UNC13C: variants seen among roughly 807,000 people sequenced by gnomAD.
UNC13C encodes the protein unc-13 homolog C, also known as protein unc-13 homolog C.
A neutral mutation model predicts 245.4 loss-of-function variants in UNC13C; 174 were observed. The ratio of observed to expected loss-of-function variants is 0.71; its 90% CI spans 0.63 to 0.80. The LOEUF (loss-of-function observed/expected upper bound fraction) is 0.80, where lower values mean the gene tolerates loss of function less well. Among genes scored for constraint, UNC13C ranks in the 30% least tolerant of loss-of-function variants. The probability of loss-of-function intolerance (pLI) is 0.00; values close to 1 mark genes in which losing one functional copy is unlikely to be tolerated. For synonymous variants in UNC13C, 992 were observed against 895.1 expected (o/e 1.11, Z -1.93); for missense variants, 2,829 against 2,602.9 (o/e 1.09, Z -1.89).
chr15:54,015,894 T>C lies in UNC13C; in HGVS notation c.2983+8T>C. Reference sequence around the variant, plus strand: ...AGAAGATCTTGGCTGGAGGTATTCATGTTTAAATGCTACATTGTGAGCTAA... The same window carrying C: ...AGAAGATCTTGGCTGGAGGTATTCACGTTTAAATGCTACATTGTGAGCTAA... On this transcript the variant is annotated splice_region_variant and intron_variant, in intron 2 of 32. Transcript: ENST00000260323. 1 of 1,555,608 alleles carries C rather than the reference T, an allele frequency of 6.4e-7. No homozygotes were observed. Among genetic ancestry groups the C allele is most frequent in the Non-Finnish European group, 8.7e-7 (1 of 1,153,586 alleles).
chr15:54,167,912 G>T lies in UNC13C; in HGVS notation c.3071+24228G>T, dbSNP rs548438645. On this transcript the variant is annotated intron_variant, in intron 4 of 32. Coordinates refer to ENST00000260323, the MANE Select transcript of UNC13C (RefSeq NM_001080534.3). ...GTTTTTAGAAATATGAAAATCAAAG[G>T]CACCAGGAGACACTACTATGCACCT... Among the ~76,000 whole-genome samples, 15 of 152,156 alleles carry T rather than the reference G, an allele frequency of 9.9e-5. No individual in the cohort carries two copies. In the South Asian group the frequency reaches 3.1e-3, roughly 32 times the overall value.
intron 17 of UNC13C, among the ~76,000 whole-genome samples, chr15:54,384,564 A>G (rs2039796380): frequency 6.6e-6 from 1 of 152,104 alleles, no homozygotes; most frequent in South Asian, 2.1e-4. Flanking sequence ...ACAGAGGGAA[A>G]ATTCTTCAGG....
intron 2 of UNC13C, among the ~76,000 whole-genome samples, chr15:54,100,396 T>C (rs532923365): frequency 6.6e-6 from 1 of 152,290 alleles, no homozygotes; most frequent in African/African-American, 2.4e-5. Context: ...TGACACCACA[T>C]TCATTTAGCT....
chr15:54,627,000 G>A lies in UNC13C; in HGVS notation c.6532G>A (p.Asp2178Asn). Reference sequence around the variant, plus strand: ...TCCTCTTCTGAAAAATATCTCTATGGATGAAACTGGTTTGACTATCCTTAG... The same window carrying A: ...TCCTCTTCTGAAAAATATCTCTATGAATGAAACTGGTTTGACTATCCTTAG... ...WYPLLKNISM[D>N]ETGLTILRIL... is the part of the protein sequence containing the mutation. The change falls in exon 33 of 33, where the codon GAT becomes AAT. Residue 2178 changes from aspartate to asparagine, a missense_variant. Physicochemically the swap from Asp to Asn is conservative, Grantham distance 23. Transcript: ENST00000260323. 6.2e-7 allele frequency: 1 copy of A among 1,613,432 alleles called. No individual in the cohort carries two copies. Among genetic ancestry groups the A allele is most frequent in the Non-Finnish European group, 8.5e-7 (1 of 1,179,588 alleles).
intron 10 of UNC13C, among the ~76,000 whole-genome samples, chr15:54,290,926 A>G (rs942732445): frequency 1.3e-5 from 2 of 152,090 alleles, no homozygotes; most frequent in African/African-American, 4.8e-5. Flanking sequence ...TTATCAAAAA[A>G]TGACAAAAAG....
chr15:54,535,817 C>T (rs1895959585), intron 26 of UNC13C, among the ~76,000 whole-genome samples: 1 of 152,030 alleles, frequency 6.6e-6, no homozygotes. Flanking sequence ...GTATAACATA[C>T]CAGAATCTCT....
At chr15:54,500,210 A>G in intron 21 of UNC13C, 35 bp downstream of exon 21, 2 of 1,476,424 alleles carry the variant, frequency 1.4e-6, no homozygotes, top group Non-Finnish European at 1.9e-6. Context: ...GTTCATTGCC[A>G]TGATTCAGTC....
intron 2 of UNC13C, among the ~76,000 whole-genome samples, chr15:54,040,000 A>G (rs987023772): frequency 4.0e-5 from 6 of 148,654 alleles, no homozygotes; most frequent in African/African-American, 1.5e-4. Flanking sequence ...CCCCCACCCC[A>G]CCCCCATTTT....
At chr15:54,218,217 T>A (rs902920743) in intron 4 of UNC13C, among the ~76,000 whole-genome samples, 1 of 151,990 alleles carries the variant, frequency 6.6e-6, no homozygotes, top group African/African-American at 2.4e-5. Context: ...AGTGTTTACC[T>A]TTCAACCCAC....
the UNC13C span, among the ~76,000 whole-genome samples, chr15:53,953,519 T>C: frequency 6.6e-6 from 1 of 152,148 alleles, no homozygotes; most frequent in African/African-American, 2.4e-5. Context: ...AGGAGCAAAA[T>C]AGAGATTCTC....
At chr15:54,125,141 T>C (rs2030949775) in intron 2 of UNC13C, among the ~76,000 whole-genome samples, 1 of 152,160 alleles carries the variant, frequency 6.6e-6, no homozygotes, top group East Asian at 1.9e-4. Context: ...TCCATATAAG[T>C]TTCGGAGAAC....
At chr15:54,457,319 G>A (rs1262686324) in intron 19 of UNC13C, among the ~76,000 whole-genome samples, 2 of 151,996 alleles carry the variant, frequency 1.3e-5, no homozygotes, top group East Asian at 1.9e-4. Flanking sequence ...TGTTAATCAC[G>A]GATATGTTCT....
intron 22 of UNC13C, among the ~76,000 whole-genome samples, chr15:54,504,135 G>T (rs2141104787): frequency 6.6e-6 from 1 of 152,086 alleles, no homozygotes; most frequent in South Asian, 2.1e-4. Context: ...GACAAGTATG[G>T]GTAATTTAAT....
chr15:53,896,343 T>A, the UNC13C span, among the ~76,000 whole-genome samples: 2 of 152,146 alleles, frequency 1.3e-5, no homozygotes, highest in Non-Finnish European at 2.9e-5. Flanking sequence ...AGTCTTTCAT[T>A]GTAGTGTTAG....
intron 1 of UNC13C, among the ~76,000 whole-genome samples, chr15:54,008,759 T>G (rs1013663756): frequency 9.9e-5 from 15 of 152,138 alleles, no homozygotes. Flanking sequence ...GGTGTAAGGG[T>G]TTGTGTCAGT....
intron 10 of UNC13C, among the ~76,000 whole-genome samples, chr15:54,267,983 C>T (rs567651093): frequency 6.6e-6 from 1 of 151,766 alleles, no homozygotes; most frequent in Non-Finnish European, 1.5e-5. Flanking sequence ...TTCTGGGATA[C>T]ATGTGCAGAA....
intron 4 of UNC13C, among the ~76,000 whole-genome samples, chr15:54,214,015 A>G (rs2034964547): frequency 6.6e-6 from 1 of 151,994 alleles, no homozygotes; most frequent in Non-Finnish European, 1.5e-5. Flanking sequence ...AAAAATTGAC[A>G]CTACAAATTA....
At chr15:54,450,156 C>A (rs1047198377) in intron 19 of UNC13C, among the ~76,000 whole-genome samples, 2 of 152,170 alleles carry the variant, frequency 1.3e-5, no homozygotes, top group Non-Finnish European at 2.9e-5. Context: ...GCTACCCAGC[C>A]ACGATGAGGT....
chr15:53,943,745 A>C, the UNC13C span, among the ~76,000 whole-genome samples: 1 of 151,860 alleles, frequency 6.6e-6, no homozygotes. Flanking sequence ...TGATTTGTCT[A>C]TTTCTCCTTT....
Sources: allele counts gnomAD v4.1 joint callset (sites outside exome capture counted in the v4.1 genomes callset), GRCh38; gene constraint gnomAD v4.1.1; transcripts MANE v1.5; gene names NCBI Gene and HGNC (gene_info 2026-07-23, HGNC 2026-07-21).